KNDC1: variants seen among roughly 807,000 people sequenced by gnomAD.
KNDC1 encodes the protein kinase non-catalytic C-lobe domain containing 1, also known as kinase non-catalytic C-lobe domain-containing protein 1.
Under a neutral mutation model 172.8 loss-of-function variants are expected in KNDC1, and 106 were observed. The ratio of observed to expected loss-of-function variants is 0.61; its 90% CI spans 0.52 to 0.72. The LOEUF (loss-of-function observed/expected upper bound fraction) is 0.72. Among genes scored for constraint, KNDC1 ranks in the 30% least tolerant of loss-of-function variants. KNDC1 has a pLI of 0.00. For synonymous variants in KNDC1, 1,083 were observed against 1,062.2 expected (o/e 1.02, Z -0.38); for missense variants, 2,325 against 2,394.5 (o/e 0.97, Z 0.61).
rs543546091 is a variant in KNDC1, at chr10:133,201,225, G to A, written c.2990-276G>A. Among the ~76,000 whole-genome samples the A allele has an allele frequency of 1.8e-3, 281 of 152,312 alleles. 2 individuals carry two copies. The highest frequency in any genetic ancestry group is 5.9e-3 in the African/African-American group (247 of 41,578). ...CGAGGACAGGGCCCGGCCCCACCCC[G>A]GGGCGAGTACGAGTTTGGAAGCAGT... On this transcript the variant is annotated intron_variant, in intron 16 of 29. Transcript: ENST00000304613.
chr10:133,210,762 C>T, intron 21 of KNDC1, 38 bp downstream of exon 21: 1 of 1,529,842 alleles, frequency 6.5e-7, no homozygotes, highest in Non-Finnish European at 9.1e-7. Context: ...CCAGAGCTTC[C>T]CCCTGGGGCA....
chr10:133,212,071 T>C (rs1177260298), intron 23 of KNDC1, among the ~76,000 whole-genome samples: 1 of 152,102 alleles, frequency 6.6e-6, no homozygotes, highest in Non-Finnish European at 1.5e-5. Context: ...CACATATGCA[T>C]GCACCTTCAC....
chr10:133,183,005 A>T (rs1229816700), intron 3 of KNDC1, among the ~76,000 whole-genome samples: 1 of 141,638 alleles, frequency 7.1e-6, no homozygotes, highest in Non-Finnish European at 1.6e-5. Flanking sequence ...CACAGGCGGC[A>T]AGGGCATGGG....
intron 2 of KNDC1, among the ~76,000 whole-genome samples, chr10:133,167,865 T>C (rs548597033): frequency 1.3e-5 from 2 of 152,340 alleles, no homozygotes; most frequent in East Asian, 1.9e-4. Flanking sequence ...AAGGGCAGGC[T>C]ATGCCCCTCT....
rs938909591 is a variant in KNDC1, at chr10:133,210,788, G to T, written c.3908+64G>T. ...CCCTGGGGCAGGGTGGGCGCCCATG[G>T]GCCTGGTTTAGCCACCATGAAGAAC... On this transcript the variant is annotated intron_variant, in intron 21 of 29. Coordinates refer to ENST00000304613, the MANE Select transcript of KNDC1 (RefSeq NM_152643.8). 6 of 1,356,806 alleles carry T rather than the reference G, an allele frequency of 4.4e-6. No individual in the cohort carries two copies. The African/African-American group carries it at 8.6e-5, about 19-fold the overall frequency. The allele number at this position is 1,356,806 out of a possible 1,614,324, so 84.0% of individuals were successfully genotyped here. A position where few individuals can be genotyped will look rare whatever the true frequency, so the allele number is the denominator to read the frequency against.
At chr10:133,207,895 G>A (rs938829507) in intron 20 of KNDC1, among the ~76,000 whole-genome samples, 81 of 152,266 alleles carry the variant, frequency 5.3e-4, no homozygotes, top group Non-Finnish European at 9.9e-4. Flanking sequence ...CCAGACCCCC[G>A]GCCGCCCCAC....
intron 5 of KNDC1, 51 bp downstream of exon 5, chr10:133,184,040 G>T: frequency 9.3e-7 from 1 of 1,079,484 alleles, no homozygotes. Context: ...ATACCTGTGT[G>T]CCATGTATGC....
chr10:133,177,336 C>T (rs1853567356), intron 3 of KNDC1, among the ~76,000 whole-genome samples: 5 of 152,078 alleles, frequency 3.3e-5, no homozygotes, highest in African/African-American at 4.8e-5. Flanking sequence ...GTGTCATGCC[C>T]GTGTGTACAT....
At chr10:133,214,183 C>T (rs1845430663) in intron 26 of KNDC1, 61 bp downstream of exon 26, 5 of 1,576,306 alleles carry the variant, frequency 3.2e-6, no homozygotes, top group African/African-American at 1.4e-5. Context: ...GCGGGGGTGG[C>T]AGCGCCTCCT....
chr10:133,200,558 A>C, intron 16 of KNDC1, 98 bp downstream of exon 16: 1 of 945,272 alleles, frequency 1.1e-6, no homozygotes, highest in South Asian at 2.1e-5. Context: ...GCAGCCTCAG[A>C]CTGCACTGCT....
intron 9 of KNDC1, 98 bp from the exon 10 acceptor site, chr10:133,195,565 T>C: frequency 8.2e-7 from 1 of 1,220,572 alleles, no homozygotes; most frequent in Non-Finnish European, 1.1e-6. Flanking sequence ...GTGGGGGCAG[T>C]GCCTGGGTGC....
intron 5 of KNDC1, among the ~76,000 whole-genome samples, chr10:133,185,468 G>A (rs910812072): frequency 6.7e-6 from 1 of 149,878 alleles, no homozygotes; most frequent in African/African-American, 2.5e-5. Context: ...GCAGTGTAGA[G>A]TAGGCAGTGT....
intron 1 of KNDC1, among the ~76,000 whole-genome samples, chr10:133,162,833 C>T (rs1043894208): frequency 6.6e-6 from 1 of 152,242 alleles, no homozygotes; most frequent in Non-Finnish European, 1.5e-5. Context: ...TGTGTCCCAG[C>T]AACTTCACTA....
intron 3 of KNDC1, among the ~76,000 whole-genome samples, 190 bp from the exon 4 acceptor site, chr10:133,183,154 G>A (rs1432014756): frequency 4.0e-5 from 6 of 148,592 alleles, no homozygotes; most frequent in East Asian, 4.1e-4. Flanking sequence ...GCGTGGGCGC[G>A]GGCGGCGAGG....
At chr10:133,184,861 TTGA>T (rs1398847554) in intron 5 of KNDC1, among the ~76,000 whole-genome samples, 3 of 152,226 alleles carry the variant, frequency 2.0e-5, no homozygotes, top group Admixed American at 1.3e-4. Context: ...AACGGATGGG[TTGA>T]TGTTTCACAA....
At chr10:133,175,124 G>A (rs1159205881) in intron 3 of KNDC1, among the ~76,000 whole-genome samples, 1 of 149,600 alleles carries the variant, frequency 6.7e-6, no homozygotes, top group Non-Finnish European at 1.5e-5. Flanking sequence ...ATGGATGGGT[G>A]GATGGATGGT....
intron 25 of KNDC1, 116 bp from the exon 26 acceptor site, chr10:133,213,856 G>GC (rs1269671491): frequency 2.7e-5 from 39 of 1,456,132 alleles, no homozygotes; most frequent in Non-Finnish European, 3.6e-5. Flanking sequence ...AGTGGTGTCT[G>GC]CCAGTTGGAG....
At chr10:133,185,122 G>C (rs565167196) in intron 5 of KNDC1, among the ~76,000 whole-genome samples, 1 of 152,266 alleles carries the variant, frequency 6.6e-6, no homozygotes, top group African/African-American at 2.4e-5. Context: ...GAATGAGCAC[G>C]TTTGCAGCTC....
At chr10:133,161,681 A>G (rs1852974965) in intron 1 of KNDC1, among the ~76,000 whole-genome samples, 1 of 152,014 alleles carries the variant, frequency 6.6e-6, no homozygotes, top group Non-Finnish European at 1.5e-5. Flanking sequence ...TGAAGGCTGC[A>G]GAGAGGAGCA....
Sources: gnomAD v4.1 joint callset for allele counts (sites outside exome capture counted in the v4.1 genomes callset) on GRCh38, gnomAD v4.1.1 for gene constraint, MANE v1.5 for transcripts, NCBI Gene and HGNC (gene_info 2026-07-23, HGNC 2026-07-21) for gene names.